The following NR2E3 variants were observed in gnomAD, a reference collection of about 807,000 sequenced individuals.
NR2E3 encodes the protein nuclear receptor subfamily 2 group E member 3.
Under a neutral mutation model 37.6 loss-of-function variants are expected in NR2E3, and 38 were observed. The ratio of observed to expected loss-of-function variants is 1.01; its 90% CI spans 0.78 to 1.33. The LOEUF is 1.33. Among genes scored for constraint, NR2E3 ranks in the 40% most tolerant of loss-of-function variants. NR2E3 has a pLI of 0.00. For synonymous variants in NR2E3, 235 were observed against 225.1 expected (o/e 1.04, Z -0.39); for missense variants, 562 against 558.7 (o/e 1.01, Z -0.06).
At chr15:71,815,626 A>G (rs1232719963) in intron 7 of NR2E3, among the ~76,000 whole-genome samples, 12 of 152,222 alleles carry the variant, frequency 7.9e-5, no homozygotes, top group Admixed American at 7.9e-4. Context: ...AAGGGAATTG[A>G]GCATGAAGAT....
At chr15:71,814,293 A>C (rs1340411499) in intron 7 of NR2E3, 176 bp downstream of exon 7, 1 of 1,411,192 alleles carries the variant, frequency 7.1e-7, no homozygotes, top group East Asian at 2.5e-5. Context: ...GTGGGGACCA[A>C]GATGTACATA....
chr15:71,817,738 G>A lies in NR2E3; in HGVS notation c.*54G>A, dbSNP rs1007200933. 1.6e-5 allele frequency: 24 copies of A among 1,514,898 alleles called. No individual in the cohort carries two copies. Among genetic ancestry groups the A allele is most frequent in the Non-Finnish European group, 1.9e-5 (21 of 1,110,072 alleles). The allele number at this position is 1,514,898 out of a possible 1,614,324, so 93.8% of individuals were successfully genotyped here. On this transcript the variant is annotated 3_prime_UTR_variant, in exon 8 of 8. Coordinates refer to ENST00000617575, the MANE Select transcript of NR2E3 (RefSeq NM_014249.4). ...ACTCTGGAAAACAATCTACTGAAAC[G>A]AAACATTTGCCTACTCTTTGCCCCA...
chr15:71,816,036 A>G (rs1283664542), intron 7 of NR2E3, among the ~76,000 whole-genome samples: 4 of 152,172 alleles, frequency 2.6e-5, no homozygotes, highest in Non-Finnish European at 2.9e-5. Flanking sequence ...GGAAGGCCTT[A>G]GGTTGGCAAA....
At chr15:71,815,197 CA>C (rs1388198825) in intron 7 of NR2E3, among the ~76,000 whole-genome samples, 5 of 152,194 alleles carry the variant, frequency 3.3e-5, no homozygotes, top group Admixed American at 1.3e-4. Context: ...ATTTGGCCTT[CA>C]GGCATCTACT....
rs2054187772 is a variant in NR2E3, at chr15:71,812,057, C to T, written c.452C>T (p.Ala151Val). The T allele has an allele frequency of 1.9e-6, 3 of 1,553,122 alleles. No homozygotes were observed. The highest frequency in any genetic ancestry group is 1.4e-5 in the African/African-American group (1 of 73,154). ...SRPESLVAPPAPAGRSPRGPT... is the reference protein window; with the variant it reads ...SRPESLVAPPVPAGRSPRGPT... ...CCGGAGTCCCTGGTGGCTCCCCCGG[C>T]CCCGGCAGGGCGCAGCCCACGGGGC... Residue 151 changes from alanine (A) to valine (V), a missense_variant, in exon 4 of 8, where the codon GCC becomes GTC. Physicochemically the swap from Ala to Val is moderately conservative, Grantham distance 64 (BLOSUM62 0). Transcript: ENST00000617575.
chr15:71,812,446 C>T lies in NR2E3; in HGVS notation c.682C>T (p.Leu228Phe). Reference sequence around the variant, plus strand: ...CATCCATGAGACCTCGGCTCGCCTACTCTTCATGGCCGTCAAGTGGGCCAA... The same window carrying T: ...CATCCATGAGACCTCGGCTCGCCTATTCTTCATGGCCGTCAAGTGGGCCAA... ...DSIHETSARL[L>F]FMAVKWAKNL... Residue 228 changes from leucine (L) to phenylalanine (F), a missense_variant, in exon 5 of 8, where the codon CTC (leucine) becomes TTC (phenylalanine). By Grantham distance (22) the Leu-to-Phe change is conservative. Coordinates refer to ENST00000617575, the MANE Select transcript of NR2E3 (RefSeq NM_014249.4). The T allele has an allele frequency of 1.2e-6, 2 of 1,613,976 alleles. No homozygotes were observed. The highest frequency in any genetic ancestry group is 1.7e-6 in the Non-Finnish European group (2 of 1,179,854).
Position 71,810,730 on chromosome 15 carries a change from C to G in NR2E3, c.-14C>G, listed in dbSNP as rs1262525083. ...CAGGCCTCCCGCAGGCAGGCAGAGG[C>G]TGCCCTGTAACCCATGGAGACCAGA... On this transcript the variant is annotated 5_prime_UTR_variant, in exon 1 of 8. Transcript: ENST00000617575. The G allele has an allele frequency of 9.0e-6, 14 of 1,558,744 alleles. No individual in the cohort carries two copies. Among genetic ancestry groups the G allele is most frequent in the Non-Finnish European group, 1.2e-5 (14 of 1,151,784 alleles).
rs1415717553 is a variant in NR2E3, at chr15:71,813,963, A to G, written c.995-49A>G. ...GGGCCACCACTTCATGGCCAGCCTT[A>G]TAACAGCCGTAAACCTGTGCTAAGC... On this transcript the variant is annotated intron_variant, in intron 6 of 7. Transcript: ENST00000617575. The surrounding 1 kb of genome is among the most constrained non-coding windows in gnomAD (Gnocchi z 4.7). 9 of 1,578,604 alleles carry G rather than the reference A, an allele frequency of 5.7e-6. No individual in the cohort carries two copies. Among genetic ancestry groups the G allele is most frequent in the Non-Finnish European group, 6.9e-6 (8 of 1,163,832 alleles).
chr15:71,813,302 T>C lies in NR2E3; in HGVS notation c.748-87T>C. 2.0e-6 allele frequency: 3 copies of C among 1,532,970 alleles called. No homozygotes were observed. Among genetic ancestry groups the C allele is most frequent in the Non-Finnish European group, 2.6e-6 (3 of 1,136,508 alleles). 95.0% of individuals were successfully genotyped at this position (1,532,970 alleles called of 1,614,324 possible). Reference sequence around the variant, plus strand: ...GGTCCCAGGACAGCACTTCCATTCCTTGGGTGCCTGAGATGGTGGCAGAGG... The same window carrying C: ...GGTCCCAGGACAGCACTTCCATTCCCTGGGTGCCTGAGATGGTGGCAGAGG... On this transcript the variant is annotated intron_variant, in intron 5 of 7. Transcript: ENST00000617575. The surrounding 1 kb of genome is among the most constrained non-coding windows in gnomAD (Gnocchi z 4.7).
At position 71,813,995 on chromosome 15, in the gene NR2E3, G is replaced by A. The variant is rs377714642; in HGVS notation, c.995-17G>A. ...CCGTAAACCTGTGCTAAGCTCACTG[G>A]TGCTGCTTCTCCCCAGAGACGCGGG... On this transcript the variant is annotated splice_polypyrimidine_tract_variant and intron_variant, in intron 6 of 7. Transcript: ENST00000617575. The surrounding 1 kb of genome is among the most constrained non-coding windows in gnomAD (Gnocchi z 4.7). 6.2e-6 allele frequency: 10 copies of A among 1,606,224 alleles called. No individual in the cohort carries two copies. Among genetic ancestry groups the A allele is most frequent in the South Asian group, 1.1e-5 (1 of 89,078 alleles).
rs2054183299 is a variant in NR2E3 at position 71,811,750 on chromosome 15, TC to T, written c.246-14del. 2 of 1,549,220 alleles carry T rather than the reference TC, an allele frequency of 1.3e-6. No individual in the cohort carries two copies. Among genetic ancestry groups the T allele is most frequent in the African/African-American group, 2.7e-5 (2 of 72,928 alleles). On this transcript the variant is annotated splice_polypyrimidine_tract_variant and intron_variant, in intron 2 of 7. Coordinates refer to ENST00000617575, the MANE Select transcript of NR2E3 (RefSeq NM_014249.4). This position sits in a 1 kb window ranked among gnomAD's most constrained non-coding sequence, Gnocchi z 5.6. Reference sequence around the variant, plus strand: ...GGGAGGGACACTGACCCCTGGGGTCTCCTCTTCACCTGCAGGTGCCAGGTGG... The same window carrying T: ...GGGAGGGACACTGACCCCTGGGGTCTCTCTTCACCTGCAGGTGCCAGGTGG...
Position 71,816,731 on chromosome 15 carries a change from ATATAAT to A in NR2E3, c.1101-814_1101-809del, listed in dbSNP as rs557726235. On this transcript the variant is annotated intron_variant, in intron 7 of 7. Coordinates refer to ENST00000617575, the MANE Select transcript of NR2E3 (RefSeq NM_014249.4). Reference sequence around the variant, plus strand: ...AATTCTTATCTACTAAAAACTAATCATATAATTATAATACTTATATATGAGATTAAT... The same window carrying A: ...AATTCTTATCTACTAAAAACTAATCATATAATACTTATATATGAGATTAAT... Among the ~76,000 whole-genome samples the A allele has an allele frequency of 4.3e-4, 65 of 152,254 alleles. 1 individual carries two copies. In the East Asian group the frequency reaches 4.8e-3, roughly 11 times the overall value.
chr15:71,814,300 C>T (rs1311455305), intron 7 of NR2E3, 183 bp downstream of exon 7: 5 of 1,401,492 alleles, frequency 3.6e-6, no homozygotes, highest in Non-Finnish European at 3.7e-6. Context: ...CCAAGATGTA[C>T]ATAAGACAAA....
Position 71,813,921 on chromosome 15 carries a change from T to C in NR2E3, c.995-91T>C. 1.3e-6 allele frequency: 2 copies of C among 1,547,120 alleles called. No individual in the cohort carries two copies. The highest frequency in any genetic ancestry group is 1.7e-6 in the Non-Finnish European group (2 of 1,148,358). ...CACCCCACAGGGCCCCAGGTCCATG[T>C]CTGCAGCCAGAACCCTGGGCCACCA... On this transcript the variant is annotated intron_variant, in intron 6 of 7. Coordinates refer to ENST00000617575, the MANE Select transcript of NR2E3 (RefSeq NM_014249.4). The surrounding 1 kb of genome is among the most constrained non-coding windows in gnomAD (Gnocchi z 4.7).
At position 71,813,695 on chromosome 15, in the gene NR2E3, A is replaced by T. The variant is rs566232898; in HGVS notation, c.994+60A>T. ...TTCTGGTGACTTCCATCTGCCTCTC[A>T]CTCTCCCTCCACTACCCCCATGTGT... is the stretch of plus-strand genomic sequence containing the variant. On this transcript the variant is annotated intron_variant, in intron 6 of 7. Coordinates refer to ENST00000617575, the MANE Select transcript of NR2E3 (RefSeq NM_014249.4). The surrounding 1 kb of genome is among the most constrained non-coding windows in gnomAD (Gnocchi z 4.7). 13 of 1,603,132 alleles carry T rather than the reference A, an allele frequency of 8.1e-6. No individual in the cohort carries two copies. The Middle Eastern group carries it at 6.6e-4, about 81-fold the overall frequency.
Position 71,813,895 on chromosome 15 carries a change from C to G in NR2E3, c.995-117C>G. 5 of 1,533,724 alleles carry G rather than the reference C, an allele frequency of 3.3e-6. No individual in the cohort carries two copies. Among genetic ancestry groups the G allele is most frequent in the Non-Finnish European group, 4.4e-6 (5 of 1,143,934 alleles). The stretch of plus-strand genomic sequence containing the variant: ...GTGGCTCCTCTGGGCCTGGCAGAGC[C>G]CACCCCACAGGGCCCCAGGTCCATG... On this transcript the variant is annotated intron_variant, in intron 6 of 7. Coordinates refer to ENST00000617575, the MANE Select transcript of NR2E3 (RefSeq NM_014249.4). This position sits in a 1 kb window ranked among gnomAD's most constrained non-coding sequence, Gnocchi z 4.7.
At chr15:71,816,516 T>C (rs2054227556) in intron 7 of NR2E3, among the ~76,000 whole-genome samples, 1 of 152,126 alleles carries the variant, frequency 6.6e-6, no homozygotes, top group African/African-American at 2.4e-5. Context: ...CGCCTCGGCC[T>C]CCCAAAGTGC....
At chr15:71,815,393 T>C (rs2054218923) in intron 7 of NR2E3, among the ~76,000 whole-genome samples, 2 of 152,178 alleles carry the variant, frequency 1.3e-5, no homozygotes, top group African/African-American at 4.8e-5. Flanking sequence ...ACAGGAAGAT[T>C]TGTGCTGCTT....
intron 1 of NR2E3, 31 bp downstream of exon 1, chr15:71,810,892 C>G: frequency 6.6e-7 from 1 of 1,525,722 alleles, no homozygotes; most frequent in South Asian, 1.2e-5. Flanking sequence ...AGGGTTGGGT[C>G]TGGGCCCTTG....
Sources: allele counts gnomAD v4.1 joint callset (sites outside exome capture counted in the v4.1 genomes callset), GRCh38; gene constraint gnomAD v4.1.1; non-coding constraint Gnocchi (gnomAD v3.1); transcripts MANE v1.5; gene names NCBI Gene and HGNC (gene_info 2026-07-23, HGNC 2026-07-21).